SIRT3: variants seen among roughly 807,000 people sequenced by gnomAD.
The protein encoded by SIRT3 is NAD-dependent protein deacetylase sirtuin-3, mitochondrial.
A neutral mutation model predicts 33.5 loss-of-function variants in SIRT3; 26 were observed. The ratio of observed to expected loss-of-function variants is 0.78; its 90% CI spans 0.57 to 1.08. The LOEUF (loss-of-function observed/expected upper bound fraction) is 1.08, where lower values mean the gene tolerates loss of function less well. SIRT3 is among the 50% of genes least tolerant of loss of function. The probability of loss-of-function intolerance (pLI) is 0.00; values close to 1 mark genes in which losing one functional copy is unlikely to be tolerated. For missense variants in SIRT3, 585 were observed against 530.1 expected (o/e 1.10, Z -1.02); for synonymous variants, 237 against 222.1 (o/e 1.07, Z -0.60).
chr11:218,724 A>C lies in SIRT3; in HGVS notation c.1179+108T>G. ...CTGGTGCAGGATTCACAGCATCATC[A>C]GCTATTACTGTTACTGTGTTAACCA... On this transcript the variant is annotated intron_variant, in intron 6 of 6. Coordinates refer to ENST00000382743, the MANE Select transcript of SIRT3 (RefSeq NM_012239.6). 1.9e-6 allele frequency: 3 copies of C among 1,555,608 alleles called. No homozygotes were observed. In the Admixed American group the frequency reaches 5.5e-5, roughly 28 times the overall value.
chr11:232,061 T>C (rs1205821), intron 3 of SIRT3, among the ~76,000 whole-genome samples: 3,819 of 152,212 alleles, frequency 0.025, 160 homozygotes, highest in African/African-American at 0.086. Flanking sequence ...AAGGAATTAC[T>C]AGTGATTCTT....
chr11:236,280 G>A lies in SIRT3; in HGVS notation c.49C>T (p.Arg17Trp). 6.5e-7 allele frequency: 1 copy of A among 1,537,434 alleles called. No individual in the cohort carries two copies. Among genetic ancestry groups the A allele is most frequent in the Non-Finnish European group, 8.7e-7 (1 of 1,148,050 alleles). Residue 17 changes from arginine to tryptophan, a missense_variant, in exon 1 of 7, where the codon CGG (arginine) becomes TGG (tryptophan). Coordinates refer to ENST00000382743, the MANE Select transcript of SIRT3 (RefSeq NM_012239.6). ...CCGGCCTCGACCCGTTCAACTACCC[G>A]GCCCCACAGCCGGAGGGCTGCCGCG... Reference protein sequence around the residue: ...RAAAALRLWGRVVERVEAGGG... With the variant: ...RAAAALRLWGWVVERVEAGGG...
intron 1 of SIRT3, among the ~76,000 whole-genome samples, chr11:235,232 G>A (rs902024230): frequency 4.6e-5 from 7 of 151,242 alleles, no homozygotes; most frequent in African/African-American, 1.5e-4. Context: ...GTAGATAAGA[G>A]TCTTGCTCTG....
chr11:234,060 G>A (rs1419089379), intron 1 of SIRT3: 1 of 153,154 alleles, frequency 6.5e-6, no homozygotes, highest in Non-Finnish European at 1.5e-5. Flanking sequence ...AGTGCCTGCT[G>A]AGGGCAAGGT....
intron 6 of SIRT3, 196 bp downstream of exon 6, chr11:218,636 A>C: frequency 9.8e-6 from 10 of 1,018,868 alleles, no homozygotes; most frequent in Non-Finnish European, 1.4e-5. Flanking sequence ...GCCTGTTAGC[A>C]TCTGTTTCCT....
upstream of SIRT3, chr11:236,677 C>T (rs1859213081): frequency 3.3e-6 from 1 of 307,662 alleles, no homozygotes; most frequent in South Asian, 3.0e-5. Context: ...TATGGTCAGG[C>T]ATTATATTTA....
rs199653122 is a variant in SIRT3, at chr11:216,494, G to A, written c.*204C>T. The stretch of plus-strand genomic sequence containing the variant: ...AGGCAGCTCCTTTGTATATGTGACG[G>A]GGTGGCCCTGACTGTAAACACAGCC... On this transcript the variant is annotated 3_prime_UTR_variant, in exon 7 of 7. Transcript: ENST00000382743. 1.7e-6 allele frequency: 1 copy of A among 603,316 alleles called. No homozygotes were observed. Among genetic ancestry groups the A allele is most frequent in the Non-Finnish European group, 3.0e-6 (1 of 334,474 alleles). The allele number at this position is 603,316 out of a possible 1,614,324, so 37.4% of individuals were successfully genotyped here.
intron 6 of SIRT3, 37 bp downstream of exon 6, chr11:218,795 G>A: frequency 1.9e-6 from 3 of 1,613,946 alleles, no homozygotes; most frequent in Non-Finnish European, 2.5e-6. Context: ...CAGTGAGAAG[G>A]GCAGCCCCTT....
chr11:233,315 A>C (rs764126702), intron 2 of SIRT3, 28 bp downstream of exon 2: 1 of 1,606,792 alleles, frequency 6.2e-7, no homozygotes, highest in South Asian at 1.1e-5. Context: ...AGGGGAGCGC[A>C]GAAGGCAGGT....
At chr11:226,292 G>A (rs967760365) in intron 4 of SIRT3, among the ~76,000 whole-genome samples, 16 of 152,286 alleles carry the variant, frequency 1.1e-4, no homozygotes, top group South Asian at 4.1e-4. Context: ...GTACAGTGAG[G>A]CGCGTCTGAC....
Position 233,138 on chromosome 11 carries a change from A to G in SIRT3, c.551T>C (p.Phe184Ser). 1 of 1,614,120 alleles carries G rather than the reference A, an allele frequency of 6.2e-7. No individual in the cohort carries two copies. Among genetic ancestry groups the G allele is most frequent in the Non-Finnish European group, 8.5e-7 (1 of 1,180,008 alleles). Residue 184 changes from phenylalanine to serine, a missense_variant, in exon 3 of 7, where the codon TTC becomes TCC. Transcript: ENST00000382743. ...PYPEAIFELP[F>S]FFHNPKPFFT... ...AAAGGGCTTGGGGTTGTGAAAGAAG[A>G]ATGGGAGTTCAAAAATGGCCTCGGG...
chr11:224,640 C>A (rs1237826626), intron 4 of SIRT3, among the ~76,000 whole-genome samples: 1 of 152,188 alleles, frequency 6.6e-6, no homozygotes, highest in Non-Finnish European at 1.5e-5. Context: ...GAACACTATT[C>A]AGTCAGAAAG....
At chr11:221,299 C>T (rs1361823572) in intron 5 of SIRT3, among the ~76,000 whole-genome samples, 5 of 152,188 alleles carry the variant, frequency 3.3e-5, no homozygotes, top group Non-Finnish European at 4.4e-5. Context: ...TTTGTAGAGA[C>T]GAGGTCTGAC....
intron 6 of SIRT3, among the ~76,000 whole-genome samples, chr11:218,575 T>C (rs1669412620): frequency 1.3e-5 from 2 of 152,200 alleles, no homozygotes; most frequent in South Asian, 4.1e-4. Context: ...CTATAGTCTG[T>C]TAAGAATACA....
chr11:218,755 G>A (rs768475086), intron 6 of SIRT3, 77 bp downstream of exon 6: 2 of 1,604,728 alleles, frequency 1.2e-6, no homozygotes, highest in South Asian at 1.1e-5. Flanking sequence ...AACCAACGGG[G>A]CTCCATATCA....
chr11:232,558 C>T (rs557534417), intron 3 of SIRT3, among the ~76,000 whole-genome samples: 2 of 152,162 alleles, frequency 1.3e-5, no homozygotes, highest in East Asian at 3.9e-4. Context: ...GTGGTGAGGA[C>T]GCAGGAAGAA....
rs1172409033 is a variant in SIRT3 at position 223,142 on chromosome 11, C to G, written c.969+936G>C. 6.4e-6 allele frequency: 1 copy of G among 156,432 alleles called. No homozygotes were observed. The highest frequency in any genetic ancestry group is 1.4e-5 in the Non-Finnish European group (1 of 70,880). The allele number at this position is 156,432 out of a possible 1,614,324, so 9.7% of individuals were successfully genotyped here. On this transcript the variant is annotated intron_variant, in intron 5 of 6. Transcript: ENST00000382743. The surrounding 1 kb of genome is among the most constrained non-coding windows in gnomAD (Gnocchi z 4.8). ...TGTCCTCGGTGCCTACATCCAGTCA[C>G]GCACACACTGACTTCATGGTCTCAT...
chr11:219,820 G>A (rs1415749014), intron 5 of SIRT3, among the ~76,000 whole-genome samples: 6 of 151,888 alleles, frequency 4.0e-5, no homozygotes, highest in African/African-American at 9.7e-5. Context: ...AGTCAGATAA[G>A]GCAAAGGAAA....
Position 232,993 on chromosome 11 carries a change from C to T in SIRT3, c.696G>A (p.Gly232=), listed in dbSNP as rs1191077733. ...LLRLYTQNID[G]LERVSGIPAS... ...TCACAGAGGGCTCACCTCTCTCAAG[C>T]CCATCGATGTTCTGCGTGTAGAGCC... The change falls in exon 3 of 7, where the codon GGG becomes GGA. Residue 232 remains glycine (G), a synonymous_variant. Transcript: ENST00000382743. 3.7e-6 allele frequency: 6 copies of T among 1,613,970 alleles called. No individual in the cohort carries two copies. The Admixed American group carries it at 8.3e-5, about 22-fold the overall frequency.
Sources: allele counts gnomAD v4.1 joint callset (sites outside exome capture counted in the v4.1 genomes callset), GRCh38; gene constraint gnomAD v4.1.1; non-coding constraint Gnocchi (gnomAD v3.1); transcripts MANE v1.5; gene names NCBI Gene and HGNC (gene_info 2026-07-23, HGNC 2026-07-21).